The following ATF6 variants were observed in gnomAD, a reference collection of about 807,000 sequenced individuals.
The protein encoded by ATF6 is activating transcription factor 6.
ATF6 carries 53 observed loss-of-function variants against 83.6 expected under a neutral mutation model. The ratio of observed to expected loss-of-function variants is 0.63; its 90% CI spans 0.51 to 0.80. The LOEUF (loss-of-function observed/expected upper bound fraction) is 0.80. ATF6 is among the 30% of genes least tolerant of loss of function. ATF6 has a pLI of 0.00. For synonymous variants in ATF6, 288 were observed against 285.8 expected, an observed-to-expected ratio of 1.01 and a Z score of -0.08; for missense variants, 744 against 797.9, an observed-to-expected ratio of 0.93 and a Z score of 0.81.
chr1:161,807,264 A>G (rs2101762893), intron 7 of ATF6, among the ~76,000 whole-genome samples: 1 of 152,310 alleles, frequency 6.6e-6, no homozygotes, highest in East Asian at 1.9e-4. Flanking sequence ...AAAAACAGAG[A>G]CTGCCTATGT....
intron 10 of ATF6, among the ~76,000 whole-genome samples, chr1:161,850,468 T>C (rs981030522): frequency 1.3e-5 from 2 of 152,310 alleles, no homozygotes; most frequent in South Asian, 4.1e-4. Context: ...CCATTTTATC[T>C]AAAGTATATA....
At chr1:161,868,242 A>G (rs1006716650) in intron 14 of ATF6, among the ~76,000 whole-genome samples, 2 of 152,196 alleles carry the variant, frequency 1.3e-5, no homozygotes, top group African/African-American at 4.8e-5. Context: ...TCTCTTACGC[A>G]GAGAATTACT....
At chr1:161,932,724 T>C (rs1464798289) in intron 15 of ATF6, among the ~76,000 whole-genome samples, 6 of 152,224 alleles carry the variant, frequency 3.9e-5, no homozygotes, top group African/African-American at 1.2e-4. Flanking sequence ...AAGTAGAGTT[T>C]AGCAATGTGG....
At chr1:161,828,255 A>C (rs747209912) in intron 9 of ATF6, among the ~76,000 whole-genome samples, 1 of 152,332 alleles carries the variant, frequency 6.6e-6, no homozygotes, top group African/African-American at 2.4e-5. Context: ...CTAAAGGTAC[A>C]GGAAACTCAT....
rs769666743 is a variant in ATF6, at chr1:161,821,136, A to G, written c.1162A>G (p.Ile388Val). The G allele has an allele frequency of 1.2e-6, 2 of 1,611,920 alleles. No homozygotes were observed. Among genetic ancestry groups the G allele is most frequent in the East Asian group, 4.5e-5 (2 of 44,796 alleles). The change falls in exon 9 of 16, where the codon ATA (isoleucine) becomes GTA (valine). Residue 388 changes from isoleucine to valine, a missense_variant. Physicochemically the swap from Ile to Val is conservative, Grantham distance 29 (BLOSUM62 3). Coordinates refer to ENST00000367942, the MANE Select transcript of ATF6 (RefSeq NM_007348.4). ...CTGTGTGATGATAGTATTGGCATTTATAATACTGAACTATGGACCTATGAG... is the reference window on the plus strand; with the variant it reads ...CTGTGTGATGATAGTATTGGCATTTGTAATACTGAACTATGGACCTATGAG... The part of the protein sequence containing the change: ...VVCVMIVLAF[I>V]ILNYGPMSML...
chr1:161,845,058 G>A (rs1686449095), intron 9 of ATF6, among the ~76,000 whole-genome samples: 2 of 152,316 alleles, frequency 1.3e-5, no homozygotes, highest in South Asian at 2.1e-4. Context: ...GTATGCCCAA[G>A]TGCTAAAGCA....
chr1:161,859,713 A>G (rs1476330081), intron 12 of ATF6, among the ~76,000 whole-genome samples: 1 of 151,560 alleles, frequency 6.6e-6, no homozygotes, highest in African/African-American at 2.4e-5. Context: ...TGTAGATTGA[A>G]CTGTTCTCTT....
At chr1:161,820,932 T>C (rs1367983788) in intron 8 of ATF6, 138 bp from the exon 9 acceptor site, 5 of 485,294 alleles carry the variant, frequency 1.0e-5, no homozygotes, top group Non-Finnish European at 1.8e-5. Flanking sequence ...TGATTTTTTT[T>C]TTTTTTTTAA....
intron 6 of ATF6, among the ~76,000 whole-genome samples, chr1:161,798,884 A>C (rs947944052): frequency 1.3e-5 from 2 of 152,222 alleles, no homozygotes; most frequent in African/African-American, 4.8e-5. Context: ...ATGTAAATCA[A>C]AACAACAGTG....
chr1:161,847,663 G>A (rs947445983), intron 10 of ATF6, among the ~76,000 whole-genome samples: 7 of 152,028 alleles, frequency 4.6e-5, no homozygotes, highest in South Asian at 2.1e-4. Flanking sequence ...GAGTTTAATA[G>A]TATATTTAAT....
chr1:161,837,480 C>T (rs574671639), intron 9 of ATF6, among the ~76,000 whole-genome samples: 11 of 152,190 alleles, frequency 7.2e-5, no homozygotes, highest in Admixed American at 3.9e-4. Flanking sequence ...CAGTTTATCA[C>T]AATCCATGGC....
chr1:161,820,937 T>A (rs1476251316), intron 8 of ATF6, 133 bp from the exon 9 acceptor site: 87 of 491,406 alleles, frequency 1.8e-4, no homozygotes, highest in Non-Finnish European at 1.4e-4. Context: ...TTTTTTTTTT[T>A]TTTAAATAAG....
intron 15 of ATF6, among the ~76,000 whole-genome samples, chr1:161,948,806 A>C (rs1688809598): frequency 6.6e-6 from 1 of 152,236 alleles, no homozygotes; most frequent in Admixed American, 6.5e-5. Context: ...GGTTTCACTT[A>C]TGTAAGCCGA....
At chr1:161,779,446 C>G (rs536701980) in intron 2 of ATF6, among the ~76,000 whole-genome samples, 15 of 152,312 alleles carry the variant, frequency 9.8e-5, no homozygotes, top group African/African-American at 3.4e-4. Flanking sequence ...CCCCTCATGT[C>G]ATTCTTCTTC....
intron 15 of ATF6, among the ~76,000 whole-genome samples, chr1:161,955,601 G>C (rs534236103): frequency 6.6e-6 from 1 of 152,184 alleles, no homozygotes; most frequent in African/African-American, 2.4e-5. Context: ...CTGTCCAAGG[G>C]TGTTAGTACT....
chr1:161,779,797 G>A (rs905729051), intron 2 of ATF6, among the ~76,000 whole-genome samples: 10 of 151,984 alleles, frequency 6.6e-5, no homozygotes, highest in Non-Finnish European at 1.3e-4. Flanking sequence ...GAGTGCAGTG[G>A]TTTGATCTCG....
rs1286305494 is a variant in ATF6, at chr1:161,960,362, A to G, written c.*1708A>G. On this transcript the variant is annotated 3_prime_UTR_variant, in exon 16 of 16. Coordinates refer to ENST00000367942, the MANE Select transcript of ATF6 (RefSeq NM_007348.4). ...TTCTTGTTCCACACTATAGCAATCAATTTCTCTTCTTCCTTACAAGAAAGG... is the reference window on the plus strand; with the variant it reads ...TTCTTGTTCCACACTATAGCAATCAGTTTCTCTTCTTCCTTACAAGAAAGG... 1 of 152,226 alleles carries G rather than the reference A, an allele frequency of 6.6e-6. No individual in the cohort carries two copies. Among genetic ancestry groups the G allele is most frequent in the Non-Finnish European group, 1.5e-5 (1 of 68,036 alleles). The allele number at this position is 152,226 out of a possible 1,614,324, so 9.4% of individuals were successfully genotyped here.
At chr1:161,890,046 A>T (rs908177974) in intron 14 of ATF6, among the ~76,000 whole-genome samples, 1 of 152,184 alleles carries the variant, frequency 6.6e-6, no homozygotes, top group Non-Finnish European at 1.5e-5. Context: ...ATTTTTGTGA[A>T]CTCTCTGAGA....
chr1:161,850,384 C>T (rs185829962), intron 10 of ATF6, among the ~76,000 whole-genome samples: 9 of 152,156 alleles, frequency 5.9e-5, no homozygotes, highest in African/African-American at 1.9e-4. Flanking sequence ...CTAGAATGCT[C>T]TTACCCCAGT....
Sources: gnomAD v4.1 joint callset for allele counts (sites outside exome capture counted in the v4.1 genomes callset) on GRCh38, gnomAD v4.1.1 for gene constraint, MANE v1.5 for transcripts, NCBI Gene and HGNC (gene_info 2026-07-23, HGNC 2026-07-21) for gene names.